Variants in SYTL2 observed in about 807,000 individuals in gnomAD.
SYTL2 encodes synaptotagmin-like protein 2.
In SYTL2, 165 loss-of-function variants were observed where a neutral mutation model predicts 198.7. That is an observed-to-expected ratio of 0.83 (90% confidence interval 0.73 to 0.94). The LOEUF is 0.94. Among genes scored for constraint, SYTL2 ranks in the 40% least tolerant of loss-of-function variants. The pLI is 0.00. For missense variants in SYTL2, 2,835 were observed against 2,582.8 expected (o/e 1.10, Z -2.12); for synonymous variants, 966 against 917.7 (o/e 1.05, Z -0.95).
intron 12 of SYTL2, among the ~76,000 whole-genome samples, chr11:85,712,786 G>A (rs537643208): frequency 6.6e-6 from 1 of 151,154 alleles, no homozygotes; most frequent in East Asian, 1.9e-4. Flanking sequence ...GCACAATCTC[G>A]GCTCACTACA....
At chr11:85,736,264 C>A (rs2090329126) in intron 6 of SYTL2, among the ~76,000 whole-genome samples, 1 of 152,180 alleles carries the variant, frequency 6.6e-6, no homozygotes, top group Non-Finnish European at 1.5e-5. Context: ...ATCCAAGACA[C>A]AATGGAAGTC....
intron 7 of SYTL2, among the ~76,000 whole-genome samples, chr11:85,731,594 A>C (rs573584906): frequency 5.3e-5 from 8 of 152,234 alleles, no homozygotes; most frequent in Non-Finnish European, 1.0e-4. Flanking sequence ...CAACTAGATT[A>C]AAGACTTAAA....
At chr11:85,775,756 CG>C (rs2092441463) in intron 1 of SYTL2, among the ~76,000 whole-genome samples, 1 of 152,152 alleles carries the variant, frequency 6.6e-6, no homozygotes, top group African/African-American at 2.4e-5. Flanking sequence ...GCTAGGATTA[CG>C]GGTATAAACC....
chr11:85,718,851 G>A lies in SYTL2; in HGVS notation c.5429-8C>T. ...TATCTACTTTTGCTTGATCTGTTCAGAAGAAATTAACAAATGGTTAACATG... is the reference window on the plus strand; with the variant it reads ...TATCTACTTTTGCTTGATCTGTTCAAAAGAAATTAACAAATGGTTAACATG... On this transcript the variant is annotated splice_region_variant and splice_polypyrimidine_tract_variant and intron_variant, in intron 9 of 19. Transcript: ENST00000359152. The A allele has an allele frequency of 6.2e-7, 1 of 1,613,298 alleles. No homozygotes were observed. The highest frequency in any genetic ancestry group is 8.5e-7 in the Non-Finnish European group (1 of 1,179,588).
At chr11:85,743,637 C>T (rs576009336) in intron 4 of SYTL2, among the ~76,000 whole-genome samples, 29 of 152,220 alleles carry the variant, frequency 1.9e-4, no homozygotes, top group African/African-American at 5.8e-4. Flanking sequence ...CAGAAAATAA[C>T]GGAGATGCTA....
chr11:85,695,366 G>GA, intron 19 of SYTL2, 26 bp from the exon 20 acceptor site: 1 of 1,535,354 alleles, frequency 6.5e-7, no homozygotes, highest in Non-Finnish European at 8.8e-7. Flanking sequence ...TTTGCATTTA[G>GA]AAAGAAACAG....
upstream of SYTL2, among the ~76,000 whole-genome samples, chr11:85,813,372 G>T (rs1566053112): frequency 6.6e-6 from 1 of 152,188 alleles, no homozygotes; most frequent in African/African-American, 2.4e-5. Flanking sequence ...ATTAAAAGAA[G>T]ATGCACATGT....
In SYTL2 at chr11:85,726,477, C is replaced by T. The variant is rs762942356; in HGVS notation, c.2881G>A (p.Val961Ile). 1.9e-6 allele frequency: 3 copies of T among 1,611,460 alleles called. No homozygotes were observed. The highest frequency in any genetic ancestry group is 1.7e-6 in the Non-Finnish European group (2 of 1,179,954). ...TCCATTCTTTCTTTTAGGGACATAA[C>T]TTTAAAGTTGGCATTTGATTCACGA... ...LVRESNANFK[V>I]MSLKERMDEP... Residue 961 changes from valine (V) to isoleucine (I), a missense_variant, in exon 8 of 20, where the codon GTT becomes ATT. Transcript: ENST00000359152.
rs2089011572 is a variant in SYTL2 at position 85,725,461 on chromosome 11, A to C, written c.3897T>G (p.Ile1299Met). The change falls in exon 8 of 20, where the codon ATT becomes ATG. Residue 1299 changes from isoleucine (I) to methionine (M), a missense_variant. Physicochemically the swap from Ile to Met is conservative, Grantham distance 10 (BLOSUM62 1). Coordinates refer to ENST00000359152, the MANE Select transcript of SYTL2 (RefSeq NM_206927.4). ...GECQLSTQNL[I>M]QMAAEDSHPL... ...GATGAGAATCTTCTGCAGCCATCTG[A>C]ATCAAATTCTGTGTGCTTAGCTGGC... is the stretch of plus-strand genomic sequence containing the variant. 2 of 1,613,948 alleles carry C rather than the reference A, an allele frequency of 1.2e-6. No individual in the cohort carries two copies. The highest frequency in any genetic ancestry group is 1.7e-5 in the Admixed American group (1 of 60,000).
intron 3 of SYTL2, among the ~76,000 whole-genome samples, chr11:85,746,473 T>G (rs1320612565): frequency 6.6e-6 from 1 of 152,248 alleles, no homozygotes. Context: ...CTGAGTTCTT[T>G]GCATGCATTA....
chr11:85,776,392 C>G (rs2092451714), intron 1 of SYTL2, among the ~76,000 whole-genome samples: 1 of 152,136 alleles, frequency 6.6e-6, no homozygotes, highest in Non-Finnish European at 1.5e-5. Flanking sequence ...AATGTTATCC[C>G]TCCCCTAGCC....
In SYTL2 at chr11:85,742,415, T is replaced by C. The variant is rs1434291183; in HGVS notation, c.389+3222A>G. On this transcript the variant is annotated intron_variant, in intron 4 of 19. Transcript: ENST00000359152. ...ACCTTCATGGGATGAGTCTTCATTC[T>C]GTACTCCCCACCTTGGCTCAGCCAT... is the stretch of plus-strand genomic sequence containing the variant. 3.9e-5 allele frequency among the ~76,000 whole-genome samples: 6 copies of C among 152,330 alleles called. No homozygotes were observed. In the South Asian group the frequency reaches 1.0e-3, roughly 26 times the overall value.
intron 4 of SYTL2, among the ~76,000 whole-genome samples, chr11:85,745,197 T>C (rs2091068366): frequency 6.6e-6 from 1 of 152,234 alleles, no homozygotes; most frequent in Non-Finnish European, 1.5e-5. Flanking sequence ...AAATCGCAGA[T>C]TCGGCAATTG....
At chr11:85,799,008 G>A (rs545621557) in intron 1 of SYTL2, among the ~76,000 whole-genome samples, 1 of 152,242 alleles carries the variant, frequency 6.6e-6, no homozygotes, top group South Asian at 2.1e-4. Context: ...CCTTTCTATG[G>A]ACAGGCAGTT....
chr11:85,760,599 C>G (rs1269375363), intron 1 of SYTL2, among the ~76,000 whole-genome samples: 1 of 152,138 alleles, frequency 6.6e-6, no homozygotes, highest in Non-Finnish European at 1.5e-5. Context: ...CCAATGAGGT[C>G]TTACACTGCC....
intron 3 of SYTL2, 110 bp from the exon 4 acceptor site, chr11:85,745,882 C>CA: frequency 8.9e-7 from 1 of 1,128,292 alleles, no homozygotes. Context: ...CAGGCCTTCC[C>CA]AGTGCCAAGG....
intron 1 of SYTL2, among the ~76,000 whole-genome samples, chr11:85,800,002 T>G (rs569655121): frequency 6.6e-6 from 1 of 152,272 alleles, no homozygotes; most frequent in African/African-American, 2.4e-5. Context: ...AGCAAGAGAT[T>G]TTCTGTAAAG....
chr11:85,778,767 A>G (rs1320964750), intron 1 of SYTL2, among the ~76,000 whole-genome samples: 1 of 152,194 alleles, frequency 6.6e-6, no homozygotes, highest in Non-Finnish European at 1.5e-5. Flanking sequence ...ACTTAAGCTC[A>G]CAAGTTTGAG....
intron 1 of SYTL2, among the ~76,000 whole-genome samples, chr11:85,779,286 T>A (rs2092515970): frequency 6.6e-6 from 1 of 152,144 alleles, no homozygotes; most frequent in African/African-American, 2.4e-5. Flanking sequence ...CAGATGTGGT[T>A]GTTTATTGGG....
Sources: gnomAD v4.1 joint callset for allele counts (sites outside exome capture counted in the v4.1 genomes callset) on GRCh38, gnomAD v4.1.1 for gene constraint, MANE v1.5 for transcripts, NCBI Gene and HGNC (gene_info 2026-07-23, HGNC 2026-07-21) for gene names.